Variants in PM20D1 observed in about 807,000 individuals in gnomAD.
PM20D1 encodes peptidase M20 domain containing 1.
A neutral mutation model predicts 53.8 loss-of-function variants in PM20D1; 53 were observed. That is an observed-to-expected ratio of 0.98 (90% CI 0.79 to 1.24). The LOEUF (loss-of-function observed/expected upper bound fraction) is 1.24. PM20D1 is among the 50% of genes most tolerant of loss of function. The probability of loss-of-function intolerance (pLI) is 0.00; values close to 1 mark genes in which losing one functional copy is unlikely to be tolerated. For synonymous variants in PM20D1, 239 were observed against 241.3 expected, an observed-to-expected ratio of 0.99 and a Z score of 0.09; for missense variants, 564 against 616.8, an observed-to-expected ratio of 0.91 and a Z score of 0.91.
intron 3 of PM20D1, 32 bp downstream of exon 3, chr1:205,845,293 C>A (rs1301540777): frequency 6.3e-7 from 1 of 1,598,186 alleles, no homozygotes; most frequent in Non-Finnish European, 8.6e-7. Flanking sequence ...ATCTTTAGGG[C>A]CCCAAGGCAG....
rs932574975 is a variant in PM20D1, at chr1:205,842,596, C to T, written c.903+80G>A. 3.0e-5 allele frequency: 43 copies of T among 1,422,680 alleles called. No homozygotes were observed. The African/African-American group carries it at 5.4e-4, about 18-fold the overall frequency. 88.1% of individuals were successfully genotyped at this position (1,422,680 alleles called of 1,614,324 possible). On this transcript the variant is annotated intron_variant, in intron 7 of 12. Coordinates refer to ENST00000367136, the MANE Select transcript of PM20D1 (RefSeq NM_152491.5). ...CAGAGTGCTGGACAGTACTAGGGTC[C>T]TTTTCTTACTCTAAAGGTTACTTTT...
intron 10 of PM20D1, among the ~76,000 whole-genome samples, chr1:205,838,822 T>C (rs1306168645): frequency 2.6e-5 from 4 of 152,212 alleles, no homozygotes; most frequent in African/African-American, 9.6e-5. Flanking sequence ...GTTAAAAACC[T>C]TGGAGCCATC....
intron 12 of PM20D1, chr1:205,829,800 A>G (rs561375290): frequency 3.1e-4 from 48 of 154,562 alleles, no homozygotes; most frequent in African/African-American, 9.9e-4. Context: ...CAAAAATAGT[A>G]ATTCACACAG....
intron 10 of PM20D1, among the ~76,000 whole-genome samples, chr1:205,837,627 A>G (rs1299508464): frequency 6.6e-6 from 1 of 152,210 alleles, no homozygotes; most frequent in Admixed American, 6.5e-5. Flanking sequence ...AGGAGTAACC[A>G]GGACAAATGC....
intron 10 of PM20D1, among the ~76,000 whole-genome samples, chr1:205,833,910 C>T (rs907254346): frequency 6.6e-6 from 1 of 151,356 alleles, no homozygotes; most frequent in Non-Finnish European, 1.5e-5. Flanking sequence ...TGCAGTGGTG[C>T]GATCTCGGCT....
chr1:205,849,945 A>G lies in PM20D1; in HGVS notation c.128T>C (p.Phe43Ser). The change falls in exon 1 of 13, where the codon TTC becomes TCC. Residue 43 changes from phenylalanine to serine, a missense_variant. Physicochemically the swap from Phe to Ser is radical, Grantham distance 155. Coordinates refer to ENST00000367136, the MANE Select transcript of PM20D1 (RefSeq NM_152491.5). ...CATCGCGACGCGTTCCTCTTTGCTG[A>G]ACTGAGAAGGGATTCGCGACGCCCT... is the stretch of plus-strand genomic sequence containing the variant. ...HQRASRIPSQ[F>S]SKEERVAMKE... 6.2e-7 allele frequency: 1 copy of G among 1,613,920 alleles called. No individual in the cohort carries two copies. Among genetic ancestry groups the G allele is most frequent in the Non-Finnish European group, 8.5e-7 (1 of 1,179,904 alleles).
chr1:205,840,635 C>T (rs1010453861), intron 9 of PM20D1, among the ~76,000 whole-genome samples: 3 of 152,176 alleles, frequency 2.0e-5, no homozygotes, highest in Non-Finnish European at 4.4e-5. Flanking sequence ...CCATGCTGTG[C>T]TATTAGAAGC....
rs1656873177 is a variant in PM20D1, at chr1:205,843,753, GAGGTTCATGGAACCCTT to G, written c.724_740del (p.Lys242HisfsTer54). Reference sequence around the variant, plus strand: ...CTGAAGTCATGTTTACTTGCAGCATGAGGTTCATGGAACCCTTCTCTGAGACTGCAATCCTGTAGAAG... The same window carrying G: ...CTGAAGTCATGTTTACTTGCAGCATGCTCTGAGACTGCAATCCTGTAGAAG... On this transcript the variant is annotated frameshift_variant, in exon 6 of 13. Transcript: ENST00000367136. LOFTEE classifies it high-confidence loss of function. 1 of 1,614,036 alleles carries G rather than the reference GAGGTTCATGGAACCCTT, an allele frequency of 6.2e-7. No individual in the cohort carries two copies. The highest frequency in any genetic ancestry group is 1.7e-5 in the Admixed American group (1 of 60,004).
intron 10 of PM20D1, among the ~76,000 whole-genome samples, chr1:205,839,606 A>G: frequency 6.6e-6 from 1 of 151,994 alleles, no homozygotes; most frequent in Non-Finnish European, 1.5e-5. Flanking sequence ...AACCCTTTGG[A>G]AGGCCGAGGC....
Position 205,845,364 on chromosome 1 carries a change from G to C in PM20D1, c.450C>G (p.Ile150Met), listed in dbSNP as rs776515144. 5 of 1,614,176 alleles carry C rather than the reference G, an allele frequency of 3.1e-6. No homozygotes were observed. In the South Asian group the frequency reaches 4.4e-5, roughly 14 times the overall value. The change falls in exon 3 of 13, where the codon ATC (isoleucine) becomes ATG (methionine). Residue 150 changes from isoleucine (I) to methionine (M), a missense_variant. Transcript: ENST00000367136. ...TGTCGTCCAGTGTGCCCCGACCATA[G>C]ATGATGCCATCACGCTCCAACCCAG... ...PFSGLERDGI[I>M]YGRGTLDDKN...
chr1:205,848,082 G>A, intron 1 of PM20D1, 111 bp from the exon 2 acceptor site: 4 of 960,978 alleles, frequency 4.2e-6, no homozygotes, highest in Non-Finnish European at 4.9e-6. Context: ...ATTGCAGAGG[G>A]CAAAACACTA....
rs755478022 is a variant in PM20D1, at chr1:205,842,165, T to C, written c.954A>G (p.Pro318=). The C allele has an allele frequency of 1.2e-6, 2 of 1,611,630 alleles. No homozygotes were observed. Among genetic ancestry groups the C allele is most frequent in the African/African-American group, 2.7e-5 (2 of 74,764 alleles). The change falls in exon 8 of 13, where the codon CCA becomes CCG. Residue 318 remains proline, a synonymous_variant. Coordinates refer to ENST00000367136, the MANE Select transcript of PM20D1 (RefSeq NM_152491.5). ...IILSNPWLFE[P]LISRFMERNP... ...AGATAATACTTTACCTGCTTATAAGTGGTTCAAATAGCCATGGGTTGCTCA... is the reference window on the plus strand; with the variant it reads ...AGATAATACTTTACCTGCTTATAAGCGGTTCAAATAGCCATGGGTTGCTCA...
intron 10 of PM20D1, among the ~76,000 whole-genome samples, chr1:205,833,393 G>A (rs1656605498): frequency 6.6e-6 from 1 of 152,236 alleles, no homozygotes. Flanking sequence ...GAGAACCTCA[G>A]ACAGGTAATA....
chr1:205,846,781 T>A (rs371921393), intron 2 of PM20D1, among the ~76,000 whole-genome samples: 1 of 151,940 alleles, frequency 6.6e-6, no homozygotes, highest in Non-Finnish European at 1.5e-5. Flanking sequence ...TCTCTCTGGG[T>A]TTTTTGGAAG....
chr1:205,846,819 G>A (rs1478937214), intron 2 of PM20D1, among the ~76,000 whole-genome samples: 18 of 151,978 alleles, frequency 1.2e-4, no homozygotes, highest in African/African-American at 3.4e-4. Flanking sequence ...GTGGATACCC[G>A]AAAACCGAAG....
At chr1:205,834,947 T>A (rs1487175502) in intron 10 of PM20D1, among the ~76,000 whole-genome samples, 1 of 152,174 alleles carries the variant, frequency 6.6e-6, no homozygotes, top group East Asian at 1.9e-4. Flanking sequence ...ATGCAATAAA[T>A]CTTGGATACA....
In PM20D1 at chr1:205,845,333, A is replaced by C; in HGVS notation, c.481T>G (p.Ser161Ala). Reference protein sequence around the residue: ...YGRGTLDDKNSVMALLQALEL... With the variant: ...YGRGTLDDKNAVMALLQALEL... The stretch of plus-strand genomic sequence containing the variant: ...AACATTGCATCTCAGACCATCACAG[A>C]GTTCTTGTCGTCCAGTGTGCCCCGA... Residue 161 changes from serine (S) to alanine (A), a missense_variant, in exon 3 of 13, where the codon TCT becomes GCT. Coordinates refer to ENST00000367136, the MANE Select transcript of PM20D1 (RefSeq NM_152491.5). The C allele has an allele frequency of 3.7e-6, 6 of 1,613,372 alleles. No individual in the cohort carries two copies. Among genetic ancestry groups the C allele is most frequent in the Non-Finnish European group, 5.1e-6 (6 of 1,179,290 alleles).
intron 11 of PM20D1, 127 bp from the exon 12 acceptor site, chr1:205,830,506 T>C: frequency 1.5e-6 from 1 of 661,404 alleles, no homozygotes; most frequent in Non-Finnish European, 2.7e-6. Flanking sequence ...TGGGCTCTCC[T>C]GAAAGCGTAT....
intron 10 of PM20D1, among the ~76,000 whole-genome samples, chr1:205,835,769 G>C (rs1656673499): frequency 6.6e-6 from 1 of 152,142 alleles, no homozygotes; most frequent in Non-Finnish European, 1.5e-5. Context: ...GGACCACCTT[G>C]GGCAAGAATC....
Sources: gnomAD v4.1 joint callset for allele counts (sites outside exome capture counted in the v4.1 genomes callset) on GRCh38, gnomAD v4.1.1 for gene constraint, MANE v1.5 for transcripts, NCBI Gene and HGNC (gene_info 2026-07-23, HGNC 2026-07-21) for gene names.